DRP2: variants seen among roughly 807,000 people sequenced by gnomAD.
DRP2 encodes the protein dystrophin related protein 2.
A neutral mutation model predicts 78.2 loss-of-function variants in DRP2; 29 were observed. The ratio of observed to expected loss-of-function variants is 0.37; its 90% CI spans 0.28 to 0.51. The LOEUF (loss-of-function observed/expected upper bound fraction) is 0.51, where lower values mean the gene tolerates loss of function less well. Ranked by LOEUF, DRP2 falls within the 20% of genes least tolerant of loss-of-function variation. The pLI, the probability that DRP2 is intolerant of heterozygous loss-of-function variation, is 0.94. For missense variants in DRP2, 686 were observed against 770.6 expected (o/e 0.89, Z 1.30); for synonymous variants, 290 against 281.9 (o/e 1.03, Z -0.29).
intron 18 of DRP2, 85 bp downstream of exon 18, chrX:101,254,646 C>A (rs1160930663): frequency 1.7e-6 from 2 of 1,166,561 alleles, no homozygotes; most frequent in Non-Finnish European, 2.3e-6. Flanking sequence ...CCCGAGTGGG[C>A]TAGGAGAATG....
intron 17 of DRP2, among the ~76,000 whole-genome samples, chrX:101,253,240 A>G (rs1923200825): frequency 9.0e-6 from 1 of 110,505 alleles, no homozygotes; most frequent in South Asian, 3.9e-4. Context: ...CTTTACCTGG[A>G]CCCCCAAACT....
intron 12 of DRP2, 85 bp downstream of exon 12, chrX:101,247,249 C>G (rs1965745337): frequency 8.6e-6 from 8 of 927,662 alleles, no homozygotes; most frequent in East Asian, 6.5e-5. Flanking sequence ...TTTCCTCCCA[C>G]CTTGGCAAAG....
At chrX:101,253,600 C>T (rs2147350401) in intron 17 of DRP2, among the ~76,000 whole-genome samples, 1 of 77,325 alleles carries the variant, frequency 1.3e-5, no homozygotes, top group South Asian at 8.2e-4. Context: ...GGCTGGAGTG[C>T]AATGGTGCGA....
rs1923522918 is a variant in DRP2 at position 101,260,730 on chromosome X, A to C, written c.*109A>C. On this transcript the variant is annotated 3_prime_UTR_variant, in exon 24 of 24. Coordinates refer to ENST00000395209, the MANE Select transcript of DRP2 (RefSeq NM_001939.3). Reference sequence around the variant, plus strand: ...AGTTTCCACTGGCCCCACATTCCTCAACTAGTATTATTTGGGCTCTGGGCA... The same window carrying C: ...AGTTTCCACTGGCCCCACATTCCTCCACTAGTATTATTTGGGCTCTGGGCA... 3 of 1,012,114 alleles carry C rather than the reference A, an allele frequency of 3.0e-6. No homozygotes were observed. The highest frequency in any genetic ancestry group is 4.0e-6 in the Non-Finnish European group (3 of 754,648). 83.4% of individuals were successfully genotyped at this position (1,012,114 alleles called of 1,213,427 possible). A position where few individuals can be genotyped will look rare whatever the true frequency, so the allele number is the denominator to read the frequency against.
chrX:101,256,618 G>A (rs1384380547), intron 21 of DRP2, among the ~76,000 whole-genome samples: 1 of 107,307 alleles, frequency 9.3e-6, no homozygotes, highest in African/African-American at 3.4e-5. Flanking sequence ...TCGTGATCTC[G>A]GCTCACTGCA....
intron 14 of DRP2, among the ~76,000 whole-genome samples, chrX:101,249,385 C>T (rs1448505439): frequency 2.7e-5 from 3 of 112,017 alleles, no homozygotes; most frequent in Non-Finnish European, 3.8e-5. Context: ...CAAACATGTT[C>T]GTGGCTATGA....
At chrX:101,236,746 C>G (rs1180273180) in intron 4 of DRP2, among the ~76,000 whole-genome samples, 1 of 112,338 alleles carries the variant, frequency 8.9e-6, no homozygotes, top group African/African-American at 3.2e-5. Context: ...AATCATCGCT[C>G]TATCAATGAC....
rs1314883712 is a variant in DRP2 at position 101,235,914 on chromosome X, T to G, written c.172T>G (p.Cys58Gly). 1 of 1,211,792 alleles carries G rather than the reference T, an allele frequency of 8.3e-7. No individual in the cohort carries two copies. The change falls in exon 4 of 24, where the codon TGC becomes GGC. Residue 58 changes from cysteine (C) to glycine (G), a missense_variant. Coordinates refer to ENST00000395209, the MANE Select transcript of DRP2 (RefSeq NM_001939.3). ...APPQDGAGVP[C>G]LSLKLLNGSV... ...TCCTCAAGATGGTGCTGGGGTTCCCTGCCTAAGCCTAAAGCTGTTGAACGG... is the reference window on the plus strand; with the variant it reads ...TCCTCAAGATGGTGCTGGGGTTCCCGGCCTAAGCCTAAAGCTGTTGAACGG...
chrX:101,252,314 C>A (rs1923166691), intron 16 of DRP2, among the ~76,000 whole-genome samples: 2 of 111,659 alleles, frequency 1.8e-5, no homozygotes, highest in South Asian at 7.7e-4. Context: ...GAGATATTTA[C>A]CCCTGCTTCC....
At chrX:101,243,025 A>G (rs1393383115) in intron 9 of DRP2, 43 bp downstream of exon 9, 6 of 1,145,801 alleles carry the variant, frequency 5.2e-6, no homozygotes, top group Middle Eastern at 2.5e-4. Flanking sequence ...AACCTCAGCC[A>G]TCTTCCTGGA....
At chrX:101,244,584 T>C (rs759141652) in intron 9 of DRP2, among the ~76,000 whole-genome samples, 41 of 111,489 alleles carry the variant, frequency 3.7e-4, no homozygotes, top group Non-Finnish European at 6.6e-4. Flanking sequence ...TTACCCACAG[T>C]CCCACAGGAC....
intron 2 of DRP2, among the ~76,000 whole-genome samples, chrX:101,228,749 A>C (rs1426979059): frequency 9.0e-6 from 1 of 111,326 alleles, no homozygotes; most frequent in Non-Finnish European, 1.9e-5. Flanking sequence ...CTCTACCAAA[A>C]ATACAAAAAA....
chrX:101,229,946 C>G (rs1470558776), intron 2 of DRP2, among the ~76,000 whole-genome samples: 3 of 112,156 alleles, frequency 2.7e-5, no homozygotes, highest in Non-Finnish European at 5.6e-5. Context: ...AACACTGCCC[C>G]TATTCCCTAC....
chrX:101,248,665 G>T, intron 14 of DRP2, 66 bp downstream of exon 14: 1 of 998,820 alleles, frequency 1.0e-6, no homozygotes, highest in Non-Finnish European at 1.4e-6. Context: ...GGAGGAGGAA[G>T]GGTGTAAGAT....
intron 17 of DRP2, 36 bp from the exon 18 acceptor site, chrX:101,254,389 A>G: frequency 8.3e-7 from 1 of 1,209,317 alleles, no homozygotes; most frequent in Non-Finnish European, 1.1e-6. Context: ...TCTGGAAGCC[A>G]TTAGGGTAAG....
At position 101,251,158 on chromosome X, in the gene DRP2, A is replaced by G. The variant is rs1923128944; in HGVS notation, c.1865+75A>G. On this transcript the variant is annotated intron_variant, in intron 16 of 23. Coordinates refer to ENST00000395209, the MANE Select transcript of DRP2 (RefSeq NM_001939.3). ...ACATATAACTCAGATATTAAAAAAT[A>G]AAGTGTCACCTAATTATTATATAAT... 8 of 964,603 alleles carry G rather than the reference A, an allele frequency of 8.3e-6. No homozygotes were observed. The East Asian group carries it at 1.3e-4, about 15-fold the overall frequency. The allele number at this position is 964,603 out of a possible 1,213,427, so 79.5% of individuals were successfully genotyped here.
chrX:101,243,144 C>T (rs947728137), intron 9 of DRP2, 162 bp downstream of exon 9: 7 of 417,466 alleles, frequency 1.7e-5, no homozygotes, highest in Admixed American at 1.3e-4. Context: ...AACAGTCTCT[C>T]GGCTGGGCGT....
At chrX:101,231,872 A>G (rs976171044) in intron 3 of DRP2, 108 bp downstream of exon 3, 3 of 598,595 alleles carry the variant, frequency 5.0e-6, no homozygotes, top group Admixed American at 6.1e-5. Context: ...CTCTGTATAC[A>G]TGCAACCCCT....
intron 2 of DRP2, among the ~76,000 whole-genome samples, chrX:101,230,986 G>C (rs1569507930): frequency 9.0e-6 from 1 of 111,709 alleles, no homozygotes; most frequent in East Asian, 2.8e-4. Flanking sequence ...ACTCCTCAGG[G>C]GAAGCCCCCA....
Sources: gnomAD v4.1 joint callset for allele counts (sites outside exome capture counted in the v4.1 genomes callset) on GRCh38, gnomAD v4.1.1 for gene constraint, MANE v1.5 for transcripts, NCBI Gene and HGNC (gene_info 2026-07-23, HGNC 2026-07-21) for gene names.